The following GLS variants were observed in gnomAD, a reference collection of about 807,000 sequenced individuals.
GLS encodes the protein glutaminase.
GLS carries 36 observed loss-of-function variants against 86.7 expected under a neutral mutation model. The ratio of observed to expected loss-of-function variants is 0.42; its 90% CI spans 0.32 to 0.55. GLS has a LOEUF of 0.55. Ranked by LOEUF, GLS falls within the 20% of genes least tolerant of loss-of-function variation. GLS has a pLI of 0.17. For synonymous variants in GLS, 317 were observed against 305.9 expected, an observed-to-expected ratio of 1.04 and a Z score of -0.38; for missense variants, 528 against 833.4, an observed-to-expected ratio of 0.63 and a Z score of 4.51.
Position 190,913,433 on chromosome 2 carries a change from G to A in GLS, c.1038+3112G>A. 3 of 871,468 alleles carry A rather than the reference G, an allele frequency of 3.4e-6. No homozygotes were observed. Among genetic ancestry groups the A allele is most frequent in the Admixed American group, 5.2e-5 (1 of 19,268 alleles). 54.0% of individuals were successfully genotyped at this position (871,468 alleles called of 1,614,324 possible). On this transcript the variant is annotated intron_variant, in intron 7 of 17. Transcript: ENST00000320717. The surrounding 1 kb of genome is among the most constrained non-coding windows in gnomAD (Gnocchi z 6.1). ...GCACATAATTTTTAAAAATCATAAG[G>A]GTATTATACTTCCTCTCTTTTTCTC... is the stretch of plus-strand genomic sequence containing the variant.
rs927494643 is a variant in GLS, at chr2:190,955,713, C to G, written c.1853+895C>G. On this transcript the variant is annotated intron_variant, in intron 17 of 17. Coordinates refer to ENST00000320717, the MANE Select transcript of GLS (RefSeq NM_014905.5). This position sits in a 1 kb window ranked among gnomAD's most constrained non-coding sequence, Gnocchi z 5.6. ...CTTGAGGAATCACCACACTGTCTTCCACAATGGTTGAACTAATTTACACTC... is the reference window on the plus strand; with the variant it reads ...CTTGAGGAATCACCACACTGTCTTCGACAATGGTTGAACTAATTTACACTC... 2.0e-5 allele frequency among the ~76,000 whole-genome samples: 3 copies of G among 152,200 alleles called. No homozygotes were observed. Among genetic ancestry groups the G allele is most frequent in the African/African-American group, 7.2e-5 (3 of 41,446 alleles).
chr2:190,944,321 A>T (rs995947711), intron 14 of GLS, among the ~76,000 whole-genome samples: 1 of 151,958 alleles, frequency 6.6e-6, no homozygotes, highest in Admixed American at 6.6e-5. Flanking sequence ...GCACTTTATC[A>T]TTCCAGAAAT....
intron 1 of GLS, among the ~76,000 whole-genome samples, chr2:190,894,824 A>G (rs895290059): frequency 2.6e-5 from 4 of 152,234 alleles, no homozygotes; most frequent in South Asian, 4.1e-4. Context: ...GCTGAACTCT[A>G]TAATTTGTAT....
intron 1 of GLS, among the ~76,000 whole-genome samples, chr2:190,885,174 G>C (rs888019601): frequency 4.0e-5 from 6 of 151,868 alleles, no homozygotes; most frequent in Non-Finnish European, 1.5e-5. Flanking sequence ...GAAAATCATC[G>C]AGGTGTATAC....
At chr2:190,945,220 G>A (rs935815799) in intron 14 of GLS, among the ~76,000 whole-genome samples, 2 of 152,146 alleles carry the variant, frequency 1.3e-5, no homozygotes, top group Non-Finnish European at 2.9e-5. Flanking sequence ...TAGCTGAGTC[G>A]AGAGAGTAGG....
Position 190,913,573 on chromosome 2 carries a change from A to G in GLS, c.1038+3252A>G. ...AAAGAACAAAAATAAATTTGAAAGG[A>G]ACAGTTATTTTTATATGATGTAGCA... On this transcript the variant is annotated intron_variant, in intron 7 of 17. Coordinates refer to ENST00000320717, the MANE Select transcript of GLS (RefSeq NM_014905.5). The surrounding 1 kb of genome is among the most constrained non-coding windows in gnomAD (Gnocchi z 6.1). 1.0e-6 allele frequency: 1 copy of G among 961,006 alleles called. No homozygotes were observed. Among genetic ancestry groups the G allele is most frequent in the Non-Finnish European group, 1.2e-6 (1 of 807,762 alleles). 59.5% of individuals were successfully genotyped at this position (961,006 alleles called of 1,614,324 possible). A position where few individuals can be genotyped will look rare whatever the true frequency, so the allele number is the denominator to read the frequency against.
At chr2:190,941,395 A>G (rs1159008045) in intron 14 of GLS, among the ~76,000 whole-genome samples, 1 of 152,246 alleles carries the variant, frequency 6.6e-6, no homozygotes, top group African/African-American at 2.4e-5. Context: ...TAATAAAACT[A>G]TAAGAACATG....
intron 1 of GLS, chr2:190,881,687 C>T (rs1574551412): frequency 4.2e-6 from 2 of 480,752 alleles, no homozygotes; most frequent in South Asian, 2.8e-5. Context: ...CACTTCCCTT[C>T]TCCGCCCCCG....
chr2:190,945,865 A>G (rs547823922), intron 14 of GLS, among the ~76,000 whole-genome samples: 1 of 152,150 alleles, frequency 6.6e-6, no homozygotes, highest in Non-Finnish European at 1.5e-5. Context: ...AAATTACTAT[A>G]TGAGAACCTC....
chr2:190,942,849 G>T (rs1331507484), intron 14 of GLS, among the ~76,000 whole-genome samples: 2 of 152,206 alleles, frequency 1.3e-5, no homozygotes, highest in Non-Finnish European at 2.9e-5. Context: ...ACCAACCAGG[G>T]CTAGTGCCAT....
chr2:190,934,236 CAAA>C, intron 14 of GLS: 1 of 955,404 alleles, frequency 1.0e-6, no homozygotes, highest in African/African-American at 1.8e-5. Context: ...TATAGTGTAG[CAAA>C]AAAGATTTCA....
At position 190,910,252 on chromosome 2, in the gene GLS, A is replaced by C. The variant is rs747005921; in HGVS notation, c.980-11A>C. On this transcript the variant is annotated splice_polypyrimidine_tract_variant and intron_variant, in intron 6 of 17. Transcript: ENST00000320717. Reference sequence around the variant, plus strand: ...TATTTGAAATAATGGTATTGCTTTTATATTTTACAGATAAACCACATAATC... The same window carrying C: ...TATTTGAAATAATGGTATTGCTTTTCTATTTTACAGATAAACCACATAATC... 3 of 1,438,798 alleles carry C rather than the reference A, an allele frequency of 2.1e-6. No homozygotes were observed. The South Asian group carries it at 3.6e-5, about 17-fold the overall frequency. 89.1% of individuals were successfully genotyped at this position (1,438,798 alleles called of 1,614,324 possible). A position where few individuals can be genotyped will look rare whatever the true frequency, so the allele number is the denominator to read the frequency against.
Position 190,895,884 on chromosome 2 carries a change from T to C in GLS, c.605+159T>C, listed in dbSNP as rs1253689725. ...TTTGAAGAACTTGGTACATATTAGG[T>C]TCTATAATACACCGGGCTAAGAGTA... is the stretch of plus-strand genomic sequence containing the variant. On this transcript the variant is annotated intron_variant, in intron 3 of 17. Coordinates refer to ENST00000320717, the MANE Select transcript of GLS (RefSeq NM_014905.5). The surrounding 1 kb of genome is among the most constrained non-coding windows in gnomAD (Gnocchi z 4.2). 4 of 509,194 alleles carry C rather than the reference T, an allele frequency of 7.9e-6. No individual in the cohort carries two copies. The highest frequency in any genetic ancestry group is 1.4e-5 in the Non-Finnish European group (4 of 280,074). 31.5% of individuals were successfully genotyped at this position (509,194 alleles called of 1,614,324 possible). A position where few individuals can be genotyped will look rare whatever the true frequency, so the allele number is the denominator to read the frequency against.
intron 1 of GLS, among the ~76,000 whole-genome samples, chr2:190,885,174 G>A (rs888019601): frequency 4.6e-5 from 7 of 151,868 alleles, no homozygotes; most frequent in African/African-American, 1.7e-4. Context: ...GAAAATCATC[G>A]AGGTGTATAC....
At chr2:190,901,652 A>AT (rs1262199284) in intron 4 of GLS, among the ~76,000 whole-genome samples, 1 of 152,088 alleles carries the variant, frequency 6.6e-6, no homozygotes, top group Non-Finnish European at 1.5e-5. Flanking sequence ...AAAAAAAAAA[A>AT]AGTTCAAGTT....
chr2:190,882,285 A>T (rs191803482), intron 1 of GLS, among the ~76,000 whole-genome samples: 1 of 152,278 alleles, frequency 6.6e-6, no homozygotes, highest in East Asian at 1.9e-4. Flanking sequence ...AGGTTTTGTG[A>T]CTTCATTGTG....
intron 9 of GLS, among the ~76,000 whole-genome samples, chr2:190,922,721 A>G (rs1412515243): frequency 6.6e-6 from 1 of 152,146 alleles, no homozygotes; most frequent in Non-Finnish European, 1.5e-5. Context: ...AAAGTACGGC[A>G]AATTGATAAG....
chr2:190,884,777 G>A (rs1040557364), intron 1 of GLS, among the ~76,000 whole-genome samples: 1 of 152,198 alleles, frequency 6.6e-6, no homozygotes, highest in African/African-American at 2.4e-5. Flanking sequence ...CATACAGGAT[G>A]CAATATTGAA....
chr2:190,939,963 A>G (rs1442239693), intron 14 of GLS, among the ~76,000 whole-genome samples: 2 of 151,774 alleles, frequency 1.3e-5, no homozygotes, highest in Non-Finnish European at 3.0e-5. Context: ...AAAATGAGGT[A>G]ATTTAAAAAA....
Sources: gnomAD v4.1 joint callset for allele counts (sites outside exome capture counted in the v4.1 genomes callset) on GRCh38, gnomAD v4.1.1 for gene constraint, Gnocchi (gnomAD v3.1) non-coding constraint, MANE v1.5 for transcripts, NCBI Gene and HGNC (gene_info 2026-07-23, HGNC 2026-07-21) for gene names.